LRRC56: variants seen among roughly 807,000 people sequenced by gnomAD.
The protein encoded by LRRC56 is leucine rich repeat containing 56.
A neutral mutation model predicts 47.8 loss-of-function variants in LRRC56; 41 were observed. The ratio of observed to expected loss-of-function variants is 0.86; its 90% CI spans 0.67 to 1.11. The LOEUF (loss-of-function observed/expected upper bound fraction) is 1.11, where lower values mean the gene tolerates loss of function less well. Ranked by LOEUF, LRRC56 falls within the 50% of genes most tolerant of loss-of-function variation. LRRC56 has a pLI of 0.00. For synonymous variants in LRRC56, 387 were observed against 311.2 expected (o/e 1.24, Z -2.56); for missense variants, 759 against 704.2 (o/e 1.08, Z -0.88).
chr11:549,822 C>T lies in LRRC56; in HGVS notation c.327-80C>T, dbSNP rs1170285771. ...CCATAGGTGGTCACACCTGCCCCTA[C>T]CCCTGAAGACAGCCAAAGGCAGGTG... On this transcript the variant is annotated intron_variant, in intron 6 of 13. Coordinates refer to ENST00000270115, the MANE Select transcript of LRRC56 (RefSeq NM_198075.4). The T allele has an allele frequency of 5.5e-6, 7 of 1,262,614 alleles. No individual in the cohort carries two copies. In the South Asian group the frequency reaches 6.2e-5, roughly 11 times the overall value. 78.2% of individuals were successfully genotyped at this position (1,262,614 alleles called of 1,614,324 possible). A position where few individuals can be genotyped will look rare whatever the true frequency, so the allele number is the denominator to read the frequency against.
chr11:532,003 G>A, the LRRC56 span, among the ~76,000 whole-genome samples: 2,977 of 152,310 alleles, frequency 0.02, 110 homozygotes, highest in African/African-American at 0.068. Flanking sequence ...GTTGGTAGAA[G>A]CACAGTAAGC....
chr11:509,662 C>G, the LRRC56 span, among the ~76,000 whole-genome samples: 1 of 152,024 alleles, frequency 6.6e-6, no homozygotes, highest in African/African-American at 2.4e-5. Flanking sequence ...ATTCTCCTGC[C>G]TCAGCCTCCC....
chr11:553,890 T>C (rs545711465), intron 13 of LRRC56, 73 bp from the exon 14 acceptor site: 218 of 1,390,354 alleles, frequency 1.6e-4, no homozygotes, highest in Non-Finnish European at 1.4e-4. Context: ...ACGGGTGGGC[T>C]GTGGCCTCCC....
At chr11:514,762 G>A in the LRRC56 span, among the ~76,000 whole-genome samples, 3 of 152,172 alleles carry the variant, frequency 2.0e-5, no homozygotes, top group Non-Finnish European at 2.9e-5. Flanking sequence ...ACTTTTATAT[G>A]CAGTGGAAAA....
At chr11:507,751 C>G in the LRRC56 span, among the ~76,000 whole-genome samples, 1 of 152,232 alleles carries the variant, frequency 6.6e-6, no homozygotes, top group Non-Finnish European at 1.5e-5. Context: ...TAGAGGGGCT[C>G]GTTTGCGCCG....
At chr11:514,294 AT>A in the LRRC56 span, among the ~76,000 whole-genome samples, 13 of 143,516 alleles carry the variant, frequency 9.1e-5, no homozygotes, top group Admixed American at 1.4e-4. Context: ...ACCCCCAGCC[AT>A]TTTTTTTTTG....
intron 6 of LRRC56, 135 bp from the exon 7 acceptor site, chr11:549,767 C>T: frequency 1.3e-5 from 9 of 681,476 alleles, no homozygotes; most frequent in Admixed American, 1.3e-4. Context: ...AAGGCCAAGG[C>T]AGAGAGCCCC....
chr11:550,589 CACCT>C (rs1852333950), intron 8 of LRRC56, among the ~76,000 whole-genome samples: 1 of 152,174 alleles, frequency 6.6e-6, no homozygotes, highest in South Asian at 2.1e-4. Flanking sequence ...TGCACACACA[CACCT>C]GTGTACGCCC....
chr11:543,083 G>A (rs1309526139), intron 5 of LRRC56, among the ~76,000 whole-genome samples: 4 of 151,792 alleles, frequency 2.6e-5, no homozygotes, highest in Non-Finnish European at 4.4e-5. Flanking sequence ...GTAGAGACGG[G>A]GTTTCACCAT....
chr11:519,095 T>C, the LRRC56 span, among the ~76,000 whole-genome samples: 6 of 152,358 alleles, frequency 3.9e-5, no homozygotes, highest in East Asian at 1.2e-3. Flanking sequence ...ACCTGCTGTC[T>C]GGCTTTTCTC....
At chr11:516,981 C>G in the LRRC56 span, among the ~76,000 whole-genome samples, 2 of 152,224 alleles carry the variant, frequency 1.3e-5, no homozygotes, top group African/African-American at 2.4e-5. Context: ...TGCCAAGTGC[C>G]TGGGATTGCA....
At chr11:510,020 C>G in the LRRC56 span, among the ~76,000 whole-genome samples, 2 of 152,060 alleles carry the variant, frequency 1.3e-5, no homozygotes, top group African/African-American at 4.8e-5. Flanking sequence ...CTCGAGTGTG[C>G]CTTTCCTTCC....
Position 554,515 on chromosome 11 carries a change from C to T in LRRC56, c.*239C>T. The T allele has an allele frequency of 2.3e-6, 1 of 425,636 alleles. No individual in the cohort carries two copies. Among genetic ancestry groups the T allele is most frequent in the Non-Finnish European group, 4.1e-6 (1 of 242,688 alleles). The allele number at this position is 425,636 out of a possible 1,614,324, so 26.4% of individuals were successfully genotyped here. A position where few individuals can be genotyped will look rare whatever the true frequency, so the allele number is the denominator to read the frequency against. On this transcript the variant is annotated 3_prime_UTR_variant, in exon 14 of 14. Transcript: ENST00000270115. ...CCTGGGGAGGGAGGGTCCGGCTCCC[C>T]AGCCCTTCCTTAGGGCCAGGCTTTC...
At chr11:534,624 C>T (rs1851342580), upstream of LRRC56, 2 of 504,632 alleles carry the variant, frequency 4.0e-6, no homozygotes, top group Non-Finnish European at 3.6e-6. Flanking sequence ...GCAGGGCTGA[C>T]AGCTGAGCGC....
At chr11:539,384 CTTTTTTTTTTTTTTTTTTG>C (rs1851676199) in intron 2 of LRRC56, among the ~76,000 whole-genome samples, 177 bp from the exon 3 acceptor site, 2 of 92,418 alleles carry the variant, frequency 2.2e-5, no homozygotes, top group African/African-American at 9.5e-5. Flanking sequence ...CGCACCCAGC[CTTTTTTTTTTTTTTTTTTG>C]AGACAGAGTC....
At chr11:533,260 C>T (rs761782530), upstream of LRRC56, 22 of 1,564,220 alleles carry the variant, frequency 1.4e-5, no homozygotes, top group South Asian at 5.7e-5. Flanking sequence ...ACTGCCCTGC[C>T]GTCCCGGGAG....
chr11:531,865 G>A, the LRRC56 span, among the ~76,000 whole-genome samples: 11 of 152,302 alleles, frequency 7.2e-5, no homozygotes, highest in East Asian at 1.9e-4. Flanking sequence ...TGCATTTCAC[G>A]CTGGGAGCAA....
the LRRC56 span, among the ~76,000 whole-genome samples, chr11:513,682 C>T: frequency 6.6e-6 from 1 of 151,958 alleles, no homozygotes; most frequent in African/African-American, 2.4e-5. Context: ...TCAATGTGGC[C>T]AGCTTTATTG....
At chr11:533,848 G>T, upstream of LRRC56, 1 of 1,613,374 alleles carries the variant, frequency 6.2e-7, no homozygotes, top group Non-Finnish European at 8.5e-7. Flanking sequence ...CGCATGTACT[G>T]GTCCCGCATG....
Sources: gnomAD v4.1 joint callset for allele counts (sites outside exome capture counted in the v4.1 genomes callset) on GRCh38, gnomAD v4.1.1 for gene constraint, MANE v1.5 for transcripts, NCBI Gene and HGNC (gene_info 2026-07-23, HGNC 2026-07-21) for gene names.